Variants in EPN2 observed in about 807,000 individuals in gnomAD.
EPN2 encodes epsin 2.
A neutral mutation model predicts 61.7 loss-of-function variants in EPN2; 34 were observed. The observed-to-expected ratio is 0.55, with a 90% CI of 0.42 to 0.73. The LOEUF (loss-of-function observed/expected upper bound fraction) is 0.73, where lower values mean the gene tolerates loss of function less well. Among genes scored for constraint, EPN2 ranks in the 30% least tolerant of loss-of-function variants. The probability of loss-of-function intolerance (pLI) is 0.00; values close to 1 mark genes in which losing one functional copy is unlikely to be tolerated. For synonymous variants in EPN2, 349 were observed against 353.6 expected, an observed-to-expected ratio of 0.99 and a Z score of 0.15; for missense variants, 714 against 839.2, an observed-to-expected ratio of 0.85 and a Z score of 1.84.
chr17:19,258,318 C>T (rs2045104191), intron 1 of EPN2, among the ~76,000 whole-genome samples: 1 of 152,132 alleles, frequency 6.6e-6, no homozygotes, highest in African/African-American at 2.4e-5. Context: ...TTCAGTCTCC[C>T]CATCTATGAT....
At chr17:19,238,106 GGCTCCCC>G (rs1567838235) in intron 1 of EPN2, among the ~76,000 whole-genome samples, 1 of 152,206 alleles carries the variant, frequency 6.6e-6, no homozygotes, top group East Asian at 1.9e-4. Flanking sequence ...TTGGGGACCA[GGCTCCCC>G]ACTCCCCAGC....
At chr17:19,308,178 A>G (rs1209542133) in intron 4 of EPN2, 5 of 463,392 alleles carry the variant, frequency 1.1e-5, no homozygotes, top group African/African-American at 1.1e-4. Context: ...TGTTCAAGCA[A>G]TTCTCCTGCC....
rs769556016 is a variant in EPN2 at position 19,335,271 on chromosome 17, C to T, written c.*1017C>T. The T allele has an allele frequency of 7.8e-5, 65 of 830,366 alleles. No homozygotes were observed. Among genetic ancestry groups the T allele is most frequent in the Non-Finnish European group, 9.3e-5 (52 of 556,540 alleles). 51.4% of individuals were successfully genotyped at this position (830,366 alleles called of 1,614,324 possible). ...GTGAATTACTAAACTGATTGACTTT[C>T]AGCCTTTTTGGCTAGATCCTGAGAG... On this transcript the variant is annotated 3_prime_UTR_variant, in exon 11 of 11. Coordinates refer to ENST00000314728, the MANE Select transcript of EPN2 (RefSeq NM_014964.5).
chr17:19,304,943 G>A (rs1388843341), intron 4 of EPN2, among the ~76,000 whole-genome samples: 1 of 152,090 alleles, frequency 6.6e-6, no homozygotes, highest in Non-Finnish European at 1.5e-5. Context: ...ACATGCCTGT[G>A]TACCCAGCAT....
At position 19,240,761 on chromosome 17, in the gene EPN2, C is replaced by T. The variant is rs562691006; in HGVS notation, c.-294+3230C>T. Among the ~76,000 whole-genome samples, 8 of 152,252 alleles carry T rather than the reference C, an allele frequency of 5.3e-5. No homozygotes were observed. The East Asian group carries it at 9.6e-4, about 18-fold the overall frequency. ...CTGCTGGTGCACTTACGACATTGTC[C>T]GTGTATCTGGGGCTCTTGTGACACT... On this transcript the variant is annotated intron_variant, in intron 1 of 10. Transcript: ENST00000314728.
At chr17:19,239,949 T>A (rs571208238) in intron 1 of EPN2, among the ~76,000 whole-genome samples, 33 of 152,296 alleles carry the variant, frequency 2.2e-4, no homozygotes, top group Non-Finnish European at 4.4e-4. Flanking sequence ...GGGATTCTGA[T>A]AAGAGTCCTG....
At chr17:19,327,718 A>G (rs1315124760) in intron 7 of EPN2, among the ~76,000 whole-genome samples, 5 of 152,176 alleles carry the variant, frequency 3.3e-5, no homozygotes, top group African/African-American at 4.8e-5. Context: ...ATACATATAC[A>G]TAATATATAT....
chr17:19,270,902 C>T (rs1286105633), intron 1 of EPN2, among the ~76,000 whole-genome samples: 2 of 152,148 alleles, frequency 1.3e-5, no homozygotes, highest in Non-Finnish European at 2.9e-5. Context: ...TGTTCCTGTT[C>T]CCAGGCAGTT....
rs1055165799 is a variant in EPN2 at position 19,265,871 on chromosome 17, G to T, written c.-293-16084G>T. Among the ~76,000 whole-genome samples, 4 of 152,100 alleles carry T rather than the reference G, an allele frequency of 2.6e-5. No homozygotes were observed. The South Asian group carries it at 6.2e-4, about 24-fold the overall frequency. ...TCTCCACCTTCCCTTTCTGTTAAGGGTGACTCCGTCCTCCTGGCTATTCCA... is the reference window on the plus strand; with the variant it reads ...TCTCCACCTTCCCTTTCTGTTAAGGTTGACTCCGTCCTCCTGGCTATTCCA... On this transcript the variant is annotated intron_variant, in intron 1 of 10. Transcript: ENST00000314728.
At chr17:19,252,724 T>C (rs139071461) in intron 1 of EPN2, among the ~76,000 whole-genome samples, 1 of 152,334 alleles carries the variant, frequency 6.6e-6, no homozygotes, top group East Asian at 1.9e-4. Context: ...AGGGTCTTGC[T>C]CTGGCCCCAG....
Position 19,285,595 on chromosome 17 carries a change from G to A in EPN2, c.596-25G>A. On this transcript the variant is annotated intron_variant, in intron 3 of 10. Transcript: ENST00000314728. This position sits in a 1 kb window ranked among gnomAD's most constrained non-coding sequence, Gnocchi z 4.5. ...CCTCTAATGGCGTGTCTCTCTGTGT[G>A]TGTGTGTGTGTCCCTGCCCCACAGC... 6.7e-7 allele frequency: 1 copy of A among 1,493,258 alleles called. No homozygotes were observed. Among genetic ancestry groups the A allele is most frequent in the Admixed American group, 2.2e-5 (1 of 45,936 alleles). The allele number at this position is 1,493,258 out of a possible 1,614,324, so 92.5% of individuals were successfully genotyped here.
intron 8 of EPN2, 180 bp downstream of exon 8, chr17:19,329,067 C>T (rs145690680): frequency 2.4e-4 from 134 of 564,792 alleles, no homozygotes; most frequent in Non-Finnish European, 3.4e-4. Context: ...TGAGTGAGTG[C>T]GAGTTCCCAG....
intron 10 of EPN2, among the ~76,000 whole-genome samples, 157 bp downstream of exon 10, chr17:19,332,225 G>C (rs557639144): frequency 3.9e-5 from 6 of 152,208 alleles, no homozygotes; most frequent in African/African-American, 7.2e-5. Flanking sequence ...TGCTGCATGG[G>C]GTGGGGTGTG....
chr17:19,311,967 T>C (rs879835041), intron 5 of EPN2, 85 bp from the exon 6 acceptor site: 27 of 859,490 alleles, frequency 3.1e-5, no homozygotes, highest in Non-Finnish European at 4.9e-5. Flanking sequence ...CATCATACAA[T>C]GTGCATTTCC....
chr17:19,245,718 A>C (rs2044940125), intron 1 of EPN2, among the ~76,000 whole-genome samples: 2 of 150,246 alleles, frequency 1.3e-5, no homozygotes, highest in Non-Finnish European at 3.0e-5. Context: ...GCTGGAGTGC[A>C]ATGGCGCGAT....
At chr17:19,258,850 A>G (rs1470336950) in intron 1 of EPN2, among the ~76,000 whole-genome samples, 1 of 152,212 alleles carries the variant, frequency 6.6e-6, no homozygotes, top group Non-Finnish European at 1.5e-5. Context: ...GCCTTCCCAC[A>G]AGAGTGCAGC....
intron 1 of EPN2, among the ~76,000 whole-genome samples, chr17:19,269,835 A>G (rs772393344): frequency 4.6e-5 from 7 of 152,140 alleles, no homozygotes; most frequent in Non-Finnish European, 7.4e-5. Context: ...GAAAGGATCC[A>G]TTATGGCCCA....
chr17:19,332,159 C>T (rs574349924), intron 10 of EPN2, 91 bp downstream of exon 10: 96 of 972,734 alleles, frequency 9.9e-5, no homozygotes, highest in African/African-American at 2.4e-4. Flanking sequence ...CACTGTGTGA[C>T]GGGGAAGGGG....
At chr17:19,326,288 A>C (rs1031450251) in intron 7 of EPN2, among the ~76,000 whole-genome samples, 2 of 152,218 alleles carry the variant, frequency 1.3e-5, no homozygotes, top group Admixed American at 6.5e-5. Flanking sequence ...GATGATTTTG[A>C]GATGACTACA....
Sources: gnomAD v4.1 joint callset for allele counts (sites outside exome capture counted in the v4.1 genomes callset) on GRCh38, gnomAD v4.1.1 for gene constraint, Gnocchi (gnomAD v3.1) non-coding constraint, MANE v1.5 for transcripts, NCBI Gene and HGNC (gene_info 2026-07-23, HGNC 2026-07-21) for gene names.